CPA3: variants seen among roughly 807,000 people sequenced by gnomAD.
CPA3 encodes the protein carboxypeptidase A3.
Under a neutral mutation model 55.8 loss-of-function variants are expected in CPA3, and 52 were observed. That is an observed-to-expected ratio of 0.93 (90% CI 0.75 to 1.17). CPA3 has a LOEUF of 1.17. Ranked by LOEUF, CPA3 falls within the 50% of genes most tolerant of loss-of-function variation. The pLI is 0.00. For missense variants in CPA3, 547 were observed against 509.1 expected, an observed-to-expected ratio of 1.07 and a Z score of -0.72; for synonymous variants, 179 against 171.2, an observed-to-expected ratio of 1.05 and a Z score of -0.36.
chr3:148,883,849 A>T, intron 9 of CPA3, 34 bp downstream of exon 9: 1 of 1,458,764 alleles, frequency 6.9e-7, no homozygotes, highest in South Asian at 1.1e-5. Context: ...TCATGCATCG[A>T]CAATACCATT....
chr3:148,873,966 G>C (rs771378156), intron 3 of CPA3, among the ~76,000 whole-genome samples: 3 of 152,280 alleles, frequency 2.0e-5, no homozygotes, highest in Non-Finnish European at 4.4e-5. Context: ...AACAAATTAA[G>C]CAAATTTTGG....
chr3:148,880,238 AATTTT>A (rs982538755), intron 6 of CPA3, among the ~76,000 whole-genome samples: 1 of 152,148 alleles, frequency 6.6e-6, no homozygotes, highest in Non-Finnish European at 1.5e-5. Context: ...ATAGATATTT[AATTTT>A]AATTCCTCTT....
At chr3:148,869,193 A>G (rs1713992376) in intron 3 of CPA3, among the ~76,000 whole-genome samples, 154 bp downstream of exon 3, 2 of 152,224 alleles carry the variant, frequency 1.3e-5, no homozygotes, top group African/African-American at 4.8e-5. Context: ...TTCCAAACAC[A>G]TTATCGAAGC....
chr3:148,886,155 T>C lies in CPA3; in HGVS notation c.1044T>C (p.Tyr348=), dbSNP rs1714522371. The C allele has an allele frequency of 6.2e-7, 1 of 1,612,556 alleles. No homozygotes were observed. Among genetic ancestry groups the C allele is most frequent in the Non-Finnish European group, 8.5e-7 (1 of 1,178,848 alleles). Residue 348 remains tyrosine, a synonymous_variant, in exon 10 of 11, where the codon TAT becomes TAC. Transcript: ENST00000296046. ...CTCGATATGAAACCCGCTACATCTA[T>C]GGCCCAATAGAATCAACAATTTGTA... The part of the protein sequence containing the change: ...LSTRYETRYI[Y]GPIESTIYPI...
At chr3:148,868,816 C>T (rs1713978659) in intron 2 of CPA3, 99 bp from the exon 3 acceptor site, 2 of 1,371,346 alleles carry the variant, frequency 1.5e-6, no homozygotes, top group Middle Eastern at 1.9e-4. Context: ...ATGCTGAGCC[C>T]CAAATTCCTT....
At chr3:148,892,524 G>A (rs1430175262) in intron 10 of CPA3, among the ~76,000 whole-genome samples, 2 of 151,938 alleles carry the variant, frequency 1.3e-5, no homozygotes, top group East Asian at 1.9e-4. Context: ...GTGGTGGTAC[G>A]CACCTGTAGT....
intron 10 of CPA3, among the ~76,000 whole-genome samples, chr3:148,887,513 A>G (rs1253272680): frequency 2.0e-5 from 3 of 152,120 alleles, no homozygotes; most frequent in Non-Finnish European, 4.4e-5. Context: ...ACCACTGCAC[A>G]TACTGTTTGT....
Position 148,868,995 on chromosome 3 carries a change from C to T in CPA3, c.225C>T (p.Ser75=), listed in dbSNP as rs1713986605. The change falls in exon 3 of 11, where the codon TCC becomes TCT. Residue 75 remains serine (S), a synonymous_variant. Coordinates refer to ENST00000296046, the MANE Select transcript of CPA3 (RefSeq NM_001870.4). ...MVDFRVSEKE[S]QAIQSALDQN... Reference sequence around the variant, plus strand: ...ATTTCCGAGTTAGTGAGAAGGAATCCCAAGCCATCCAGTCTGCCTTGGATC... The same window carrying T: ...ATTTCCGAGTTAGTGAGAAGGAATCTCAAGCCATCCAGTCTGCCTTGGATC... 8.1e-6 allele frequency: 13 copies of T among 1,613,782 alleles called. 1 individual carries two copies. The East Asian group carries it at 2.9e-4, about 36-fold the overall frequency.
intron 6 of CPA3, 47 bp from the exon 7 acceptor site, chr3:148,881,475 T>C: frequency 8.7e-7 from 1 of 1,153,658 alleles, no homozygotes; most frequent in Non-Finnish European, 1.3e-6. Flanking sequence ...TTCCACATAA[T>C]AGCTAAACTT....
Position 148,896,673 on chromosome 3 carries a change from T to G in CPA3, c.1220T>G (p.Phe407Cys), listed in dbSNP as rs1486314654. ...AGAGAGACCATGCTAGCTGTCAAAT[T>G]TATTGCCAAGTATATCCTCAAGCAT... ...TCRETMLAVKFIAKYILKHTS is the reference protein window; with the variant it reads ...TCRETMLAVKCIAKYILKHTS Residue 407 changes from phenylalanine to cysteine, a missense_variant, in exon 11 of 11, where the codon TTT becomes TGT. Coordinates refer to ENST00000296046, the MANE Select transcript of CPA3 (RefSeq NM_001870.4). 1.3e-6 allele frequency: 2 copies of G among 1,555,220 alleles called. No individual in the cohort carries two copies. The highest frequency in any genetic ancestry group is 2.4e-5 in the South Asian group (2 of 84,934).
At chr3:148,895,077 C>T (rs759070594) in intron 10 of CPA3, among the ~76,000 whole-genome samples, 1 of 152,166 alleles carries the variant, frequency 6.6e-6, no homozygotes. Context: ...CACACTACTT[C>T]ATAACTGGTT....
chr3:148,869,267 C>A (rs1713994306), intron 3 of CPA3, among the ~76,000 whole-genome samples: 1 of 152,116 alleles, frequency 6.6e-6, no homozygotes, highest in Non-Finnish European at 1.5e-5. Context: ...TTGCTCTTAG[C>A]TATAAGAATA....
chr3:148,865,361 T>C lies in CPA3; in HGVS notation c.54T>C (p.Pro18=), dbSNP rs776985477. 11 of 1,614,004 alleles carry C rather than the reference T, an allele frequency of 6.8e-6. No individual in the cohort carries two copies. In the African/African-American group the frequency reaches 1.2e-4, roughly 18 times the overall value. ...TTGCTACCACTCTTGCAATTGCTCC[T>C]GTCCGCTTTGACAGGTAAATCTTAC... is the stretch of plus-strand genomic sequence containing the variant. ...GLIATTLAIA[P]VRFDREKVFR... Residue 18 remains proline (P), a synonymous_variant, in exon 1 of 11, where the codon CCT becomes CCC. Transcript: ENST00000296046.
intron 10 of CPA3, among the ~76,000 whole-genome samples, chr3:148,894,162 A>T (rs939196846): frequency 6.6e-6 from 1 of 152,190 alleles, no homozygotes; most frequent in African/African-American, 2.4e-5. Flanking sequence ...CAAAAATTGT[A>T]AGTCTGTTTG....
chr3:148,889,934 C>A (rs1015414268), intron 10 of CPA3, among the ~76,000 whole-genome samples: 1 of 150,816 alleles, frequency 6.6e-6, no homozygotes, highest in African/African-American at 2.4e-5. Flanking sequence ...ATACCCCCAG[C>A]CCCCAGAGAT....
intron 10 of CPA3, among the ~76,000 whole-genome samples, chr3:148,893,538 A>G (rs986329404): frequency 6.6e-6 from 1 of 152,200 alleles, no homozygotes; most frequent in Non-Finnish European, 1.5e-5. Flanking sequence ...AAATGGCATA[A>G]TAAAATATCC....
chr3:148,878,248 C>G (rs765355070), intron 3 of CPA3, among the ~76,000 whole-genome samples, 193 bp from the exon 4 acceptor site: 16 of 151,982 alleles, frequency 1.1e-4, no homozygotes, highest in Non-Finnish European at 1.8e-4. Flanking sequence ...CAGCACAGCT[C>G]TAGATAAATG....
Position 148,865,495 on chromosome 3 carries a change from C to T in CPA3, c.91C>T (p.Pro31Ser), listed in dbSNP as rs1713873360. 2 of 1,613,652 alleles carry T rather than the reference C, an allele frequency of 1.2e-6. No individual in the cohort carries two copies. The highest frequency in any genetic ancestry group is 1.3e-5 in the African/African-American group (1 of 74,784). ...FDREKVFRVK[P>S]QDEKQADIIK... is the part of the protein sequence containing the mutation. ...AAGGGAGAAGGTGTTCCGCGTGAAGCCCCAGGATGAAAAACAAGCAGACAT... is the reference window on the plus strand; with the variant it reads ...AAGGGAGAAGGTGTTCCGCGTGAAGTCCCAGGATGAAAAACAAGCAGACAT... Residue 31 changes from proline (P) to serine (S), a missense_variant, in exon 2 of 11, where the codon CCC becomes TCC. Pro to Ser is a moderately conservative substitution (Grantham distance 74). Coordinates refer to ENST00000296046, the MANE Select transcript of CPA3 (RefSeq NM_001870.4).
At chr3:148,892,625 T>C (rs1714703333) in intron 10 of CPA3, among the ~76,000 whole-genome samples, 3 of 151,602 alleles carry the variant, frequency 2.0e-5, no homozygotes, top group Non-Finnish European at 2.9e-5. Context: ...TCCACTTCAG[T>C]CTGGGCAACA....
Sources: allele counts gnomAD v4.1 joint callset (sites outside exome capture counted in the v4.1 genomes callset), GRCh38; gene constraint gnomAD v4.1.1; transcripts MANE v1.5; gene names NCBI Gene and HGNC (gene_info 2026-07-23, HGNC 2026-07-21).